NTM: variants seen among roughly 807,000 people sequenced by gnomAD.
NTM encodes IgLON family member 2.
NTM carries 13 observed loss-of-function variants against 42.1 expected under a neutral mutation model. The observed-to-expected ratio is 0.31, with a 90% CI of 0.20 to 0.49. The LOEUF is 0.49. Among genes scored for constraint, NTM ranks in the 20% least tolerant of loss-of-function variants. The pLI, the probability that NTM is intolerant of heterozygous loss-of-function variation, is 0.99. For synonymous variants in NTM, 187 were observed against 179.2 expected, an observed-to-expected ratio of 1.04 and a Z score of -0.35; for missense variants, 373 against 452.8, an observed-to-expected ratio of 0.82 and a Z score of 1.60.
At chr11:132,313,469 G>A (rs1320026814) in intron 6 of NTM, among the ~76,000 whole-genome samples, 1 of 150,554 alleles carries the variant, frequency 6.6e-6, no homozygotes, top group Non-Finnish European at 1.5e-5. Context: ...TCAAGAAGGG[G>A]TTTTTTGCCC....
intron 1 of NTM, among the ~76,000 whole-genome samples, chr11:131,568,792 G>A (rs1195782120): frequency 1.3e-5 from 2 of 152,230 alleles, no homozygotes; most frequent in African/African-American, 4.8e-5. Flanking sequence ...ATTAGAATAT[G>A]AGGGGGCCTT....
chr11:132,166,436 T>C (rs2075291942), intron 3 of NTM, among the ~76,000 whole-genome samples: 1 of 152,148 alleles, frequency 6.6e-6, no homozygotes, highest in Non-Finnish European at 1.5e-5. Context: ...CTACAAGGCT[T>C]ATGCAGACAA....
At chr11:132,195,577 CA>C (rs1026185013) in intron 3 of NTM, among the ~76,000 whole-genome samples, 2 of 151,788 alleles carry the variant, frequency 1.3e-5, no homozygotes, top group South Asian at 2.1e-4. Flanking sequence ...CTACAGTAAC[CA>C]AAACAGCATG....
At chr11:131,611,769 G>A (rs955107359) in intron 1 of NTM, among the ~76,000 whole-genome samples, 2 of 152,204 alleles carry the variant, frequency 1.3e-5, no homozygotes, top group African/African-American at 4.8e-5. Context: ...AATGTAATGT[G>A]TGAAACATGT....
chr11:132,094,531 C>A (rs961736216), intron 2 of NTM, among the ~76,000 whole-genome samples: 7 of 152,000 alleles, frequency 4.6e-5, no homozygotes, highest in Non-Finnish European at 8.8e-5. Context: ...TTTAGGAAGA[C>A]CAAAAATGAA....
intron 1 of NTM, among the ~76,000 whole-genome samples, chr11:131,459,438 A>T (rs1044470015): frequency 6.6e-6 from 1 of 152,258 alleles, no homozygotes; most frequent in African/African-American, 2.4e-5. Context: ...CAGTATTATC[A>T]GTATTTATTA....
At chr11:131,822,613 G>T (rs2093237871) in intron 1 of NTM, among the ~76,000 whole-genome samples, 1 of 152,026 alleles carries the variant, frequency 6.6e-6, no homozygotes, top group Non-Finnish European at 1.5e-5. Context: ...CTGATAAGGG[G>T]AAGGAAGGTA....
At chr11:132,128,135 C>T (rs1394435620) in intron 2 of NTM, among the ~76,000 whole-genome samples, 1 of 152,082 alleles carries the variant, frequency 6.6e-6, no homozygotes, top group Non-Finnish European at 1.5e-5. Flanking sequence ...GGGGACAGGA[C>T]GCTGGAGAGG....
intron 1 of NTM, among the ~76,000 whole-genome samples, chr11:131,802,126 T>C (rs1397698758): frequency 6.6e-6 from 1 of 152,218 alleles, no homozygotes; most frequent in Non-Finnish European, 1.5e-5. Flanking sequence ...CCTGAAGTTT[T>C]CCATCTTTCA....
rs559545856 is a variant in NTM at position 131,797,929 on chromosome 11, G to T, written c.83-113635G>T. ...CCAATTGTGCACAAGTAGCAGCCAC[G>T]CATTCAACTCGGTTTTGTTTGTAAT... On this transcript the variant is annotated intron_variant, in intron 1 of 8. Coordinates refer to ENST00000683400, the MANE Select transcript of NTM (RefSeq NM_001352005.2). 3.3e-5 allele frequency among the ~76,000 whole-genome samples: 5 copies of T among 152,130 alleles called. No homozygotes were observed. In the East Asian group the frequency reaches 7.7e-4, roughly 24 times the overall value.
intron 7 of NTM, among the ~76,000 whole-genome samples, chr11:132,322,987 C>A (rs1374459877): frequency 7.3e-6 from 1 of 137,870 alleles, no homozygotes; most frequent in African/African-American, 2.8e-5. Flanking sequence ...CCAATGAGAA[C>A]AAAGACACAA....
At chr11:131,625,825 C>G (rs2063048649) in intron 1 of NTM, among the ~76,000 whole-genome samples, 1 of 152,186 alleles carries the variant, frequency 6.6e-6, no homozygotes. Flanking sequence ...AGATTCTTCT[C>G]CTCTGTGGCT....
At chr11:131,902,371 A>C (rs934565471) in intron 1 of NTM, among the ~76,000 whole-genome samples, 10 of 152,146 alleles carry the variant, frequency 6.6e-5, no homozygotes, top group African/African-American at 2.4e-4. Flanking sequence ...CCTGCTCCTC[A>C]CTGGTGCTTT....
intron 1 of NTM, chr11:131,539,477 C>T (rs940507882): frequency 6.6e-6 from 1 of 152,176 alleles, no homozygotes; most frequent in Non-Finnish European, 1.5e-5. Context: ...AATTGGGGCC[C>T]ATCATGTTTG....
chr11:132,279,847 C>T (rs886885828), intron 4 of NTM, among the ~76,000 whole-genome samples: 2 of 152,166 alleles, frequency 1.3e-5, no homozygotes, highest in Non-Finnish European at 2.9e-5. Flanking sequence ...AGATTCACAT[C>T]GTGTTATAAT....
intron 1 of NTM, among the ~76,000 whole-genome samples, chr11:131,841,000 G>A (rs2044165867): frequency 6.6e-6 from 1 of 152,210 alleles, no homozygotes; most frequent in South Asian, 2.1e-4. Flanking sequence ...AGCAGTACAA[G>A]ACCCACTTGA....
In NTM at chr11:131,640,533, T is replaced by C. The variant is rs184787166; in HGVS notation, c.82+269645T>C. Among the ~76,000 whole-genome samples the C allele has an allele frequency of 1.3e-3, 204 of 152,282 alleles. 1 individual carries two copies. The highest frequency in any genetic ancestry group is 4.6e-3 in the African/African-American group (190 of 41,568). ...TTTTTTTCTTGCTAATGAGGCTGGC[T>C]CTACCCTACTGCTTAGAGAAAGATC... is the stretch of plus-strand genomic sequence containing the variant. On this transcript the variant is annotated intron_variant, in intron 1 of 8. Transcript: ENST00000683400.
chr11:132,213,089 G>A (rs891563987), intron 4 of NTM, among the ~76,000 whole-genome samples: 2 of 152,210 alleles, frequency 1.3e-5, no homozygotes, highest in African/African-American at 4.8e-5. Flanking sequence ...GCAGAGACAT[G>A]AACAGTGGTC....
chr11:131,916,423 C>T (rs139690537), intron 2 of NTM, among the ~76,000 whole-genome samples: 3 of 152,196 alleles, frequency 2.0e-5, no homozygotes, highest in South Asian at 2.1e-4. Flanking sequence ...TGCATTCCAT[C>T]GCGCCTCTAG....
Sources: allele counts gnomAD v4.1 joint callset (sites outside exome capture counted in the v4.1 genomes callset), GRCh38; gene constraint gnomAD v4.1.1; transcripts MANE v1.5; gene names NCBI Gene and HGNC (gene_info 2026-07-23, HGNC 2026-07-21).